Variants in IGF2BP2 observed in about 807,000 individuals in gnomAD.
The protein encoded by IGF2BP2 is insulin like growth factor 2 mRNA binding protein 2.
Under a neutral mutation model 75.8 loss-of-function variants are expected in IGF2BP2, and 17 were observed. The observed-to-expected ratio is 0.22, with a 90% CI of 0.15 to 0.34. The LOEUF (loss-of-function observed/expected upper bound fraction) is 0.34. IGF2BP2 is among the 10% of genes least tolerant of loss of function. The pLI, the probability that IGF2BP2 is intolerant of heterozygous loss-of-function variation, is 1.00. For synonymous variants in IGF2BP2, 288 were observed against 295.6 expected, an observed-to-expected ratio of 0.97 and a Z score of 0.26; for missense variants, 516 against 772.4, an observed-to-expected ratio of 0.67 and a Z score of 3.93.
intron 2 of IGF2BP2, chr3:185,821,280 T>C (rs760003268): frequency 4.9e-6 from 3 of 608,612 alleles, no homozygotes; most frequent in Non-Finnish European, 5.2e-6. Flanking sequence ...TAGTGAATCA[T>C]ACACAGCGCA....
chr3:185,701,544 A>C (rs1349979042), intron 2 of IGF2BP2, among the ~76,000 whole-genome samples: 3 of 152,180 alleles, frequency 2.0e-5, no homozygotes, highest in African/African-American at 7.2e-5. Context: ...CAAACACTTC[A>C]CGGTGCAAAA....
rs551645254 is a variant in IGF2BP2 at position 185,815,617 on chromosome 3, C to A, written c.239+7536G>T. Among the ~76,000 whole-genome samples, 20 of 152,292 alleles carry A rather than the reference C, an allele frequency of 1.3e-4. No individual in the cohort carries two copies. In the South Asian group the frequency reaches 3.5e-3, roughly 27 times the overall value. On this transcript the variant is annotated intron_variant, in intron 2 of 15. Coordinates refer to ENST00000382199, the MANE Select transcript of IGF2BP2 (RefSeq NM_006548.6). ...AGCAGCCACCCAGTATTAGTTAACT[C>A]TCTTCCTCTCCCCCATCTCCTGAGT...
At chr3:185,773,705 T>G (rs1435484520) in intron 2 of IGF2BP2, among the ~76,000 whole-genome samples, 1 of 152,310 alleles carries the variant, frequency 6.6e-6, no homozygotes, top group South Asian at 2.1e-4. Context: ...TACTTTACAA[T>G]TCCTTTGATC....
At chr3:185,649,361 G>A (rs753375785) in intron 14 of IGF2BP2, 42 bp downstream of exon 14, 23 of 1,607,726 alleles carry the variant, frequency 1.4e-5, no homozygotes, top group Non-Finnish European at 2.0e-5. Flanking sequence ...CCAGAGCGGG[G>A]AATCTGACCC....
At chr3:185,668,676 TAAAGC>T (rs1345716763) in intron 10 of IGF2BP2, among the ~76,000 whole-genome samples, 1 of 151,380 alleles carries the variant, frequency 6.6e-6, no homozygotes, top group African/African-American at 2.4e-5. Context: ...ACACCACAAA[TAAAGC>T]AAAGAGAATA....
At chr3:185,699,884 C>T (rs539267195) in intron 2 of IGF2BP2, among the ~76,000 whole-genome samples, 22 of 152,160 alleles carry the variant, frequency 1.4e-4, no homozygotes, top group African/African-American at 5.3e-4. Flanking sequence ...TAGATTGTTT[C>T]TTGTTTTTAC....
chr3:185,782,612 C>CA (rs908612186), intron 2 of IGF2BP2, among the ~76,000 whole-genome samples: 3 of 151,992 alleles, frequency 2.0e-5, no homozygotes, highest in African/African-American at 7.3e-5. Flanking sequence ...AGGTGGTCAC[C>CA]AAAAAATAAT....
intron 2 of IGF2BP2, among the ~76,000 whole-genome samples, chr3:185,781,081 T>C (rs886143202): frequency 1.3e-5 from 2 of 152,172 alleles, no homozygotes; most frequent in African/African-American, 4.8e-5. Flanking sequence ...AATCTAGTTA[T>C]TTGAGTTTTT....
At chr3:185,698,790 A>C (rs1722919615) in intron 2 of IGF2BP2, among the ~76,000 whole-genome samples, 1 of 150,110 alleles carries the variant, frequency 6.7e-6, no homozygotes, top group Non-Finnish European at 1.5e-5. Context: ...CACCACACCT[A>C]ATTTTTGTGG....
At chr3:185,657,806 G>A (rs1715701171) in intron 11 of IGF2BP2, among the ~76,000 whole-genome samples, 1 of 152,196 alleles carries the variant, frequency 6.6e-6, no homozygotes, top group African/African-American at 2.4e-5. Context: ...GGAATGGAAA[G>A]CTGCCCAACA....
intron 2 of IGF2BP2, among the ~76,000 whole-genome samples, chr3:185,793,242 T>C (rs928484599): frequency 6.6e-6 from 1 of 152,124 alleles, no homozygotes; most frequent in Non-Finnish European, 1.5e-5. Context: ...AGATAGTTGT[T>C]AAATTCAGAT....
chr3:185,800,197 T>G (rs1465727068), intron 2 of IGF2BP2, among the ~76,000 whole-genome samples: 1 of 152,132 alleles, frequency 6.6e-6, no homozygotes, highest in African/African-American at 2.4e-5. Flanking sequence ...AAACACTGCA[T>G]GTTCTCACTC....
At chr3:185,794,094 A>T (rs1737012871) in intron 2 of IGF2BP2, among the ~76,000 whole-genome samples, 1 of 151,824 alleles carries the variant, frequency 6.6e-6, no homozygotes, top group South Asian at 2.1e-4. Context: ...AGCAGCTGAG[A>T]CTACAGGTGC....
At chr3:185,766,135 C>T (rs1482396509) in intron 2 of IGF2BP2, among the ~76,000 whole-genome samples, 1 of 152,058 alleles carries the variant, frequency 6.6e-6, no homozygotes, top group African/African-American at 2.4e-5. Context: ...AAATAAAGCC[C>T]AAGGTGCTAT....
intron 10 of IGF2BP2, among the ~76,000 whole-genome samples, chr3:185,661,717 A>T (rs537373144): frequency 6.6e-6 from 1 of 151,716 alleles, no homozygotes; most frequent in Non-Finnish European, 1.5e-5. Flanking sequence ...CTGGGGACAC[A>T]GTTATTAAGA....
chr3:185,818,765 T>C (rs1200550551), intron 2 of IGF2BP2, among the ~76,000 whole-genome samples: 2 of 152,126 alleles, frequency 1.3e-5, no homozygotes, highest in Non-Finnish European at 2.9e-5. Context: ...ATATAAACAG[T>C]TCCTGTAGAA....
intron 2 of IGF2BP2, among the ~76,000 whole-genome samples, chr3:185,805,450 G>C (rs1459584912): frequency 6.6e-6 from 1 of 152,104 alleles, no homozygotes; most frequent in African/African-American, 2.4e-5. Context: ...TCAAATGAAG[G>C]GCAAATTAAG....
intron 2 of IGF2BP2, among the ~76,000 whole-genome samples, chr3:185,713,753 T>A (rs1033149992): frequency 1.3e-5 from 2 of 152,218 alleles, no homozygotes; most frequent in African/African-American, 4.8e-5. Context: ...CAGGCTGGAG[T>A]GCAGTGGCGC....
At chr3:185,659,132 T>C (rs912727220) in intron 10 of IGF2BP2, among the ~76,000 whole-genome samples, 1 of 151,542 alleles carries the variant, frequency 6.6e-6, no homozygotes, top group Admixed American at 6.6e-5. Context: ...AGTGGGAGGA[T>C]CACTTGAGCC....
Sources: gnomAD v4.1 joint callset for allele counts (sites outside exome capture counted in the v4.1 genomes callset) on GRCh38, gnomAD v4.1.1 for gene constraint, MANE v1.5 for transcripts, NCBI Gene and HGNC (gene_info 2026-07-23, HGNC 2026-07-21) for gene names.